ZER1: variants seen among roughly 807,000 people sequenced by gnomAD.
The protein encoded by ZER1 is zyg-11 related cell cycle regulator, also known as protein zer-1 homolog.
ZER1 carries 11 observed loss-of-function variants against 78.8 expected under a neutral mutation model. The ratio of observed to expected loss-of-function variants is 0.14; its 90% CI spans 0.09 to 0.23. The LOEUF is 0.23. Among genes scored for constraint, ZER1 ranks in the 10% least tolerant of loss-of-function variants. The probability of loss-of-function intolerance (pLI) is 1.00; values close to 1 mark genes in which losing one functional copy is unlikely to be tolerated. For missense variants in ZER1, 588 were observed against 996.9 expected (o/e 0.59, Z 5.52); for synonymous variants, 400 against 407.0 (o/e 0.98, Z 0.21).
At position 128,736,246 on chromosome 9, in the gene ZER1, G is replaced by A. The variant is rs530728839; in HGVS notation, c.2043-815C>T. ...ATTATAGGCGTGAGCCACCGCGCCC[G>A]GCCTAAATTTTGTATTTTTGGTAGA... is the stretch of plus-strand genomic sequence containing the variant. On this transcript the variant is annotated intron_variant, in intron 13 of 15. Coordinates refer to ENST00000291900, the MANE Select transcript of ZER1 (RefSeq NM_006336.4). 8.6e-5 allele frequency among the ~76,000 whole-genome samples: 13 copies of A among 151,652 alleles called. No individual in the cohort carries two copies. In the East Asian group the frequency reaches 9.7e-4, roughly 11 times the overall value.
chr9:128,768,356 G>A (rs1864280313), intron 1 of ZER1, among the ~76,000 whole-genome samples: 1 of 152,182 alleles, frequency 6.6e-6, no homozygotes, highest in Non-Finnish European at 1.5e-5. Flanking sequence ...TACCTTTGTA[G>A]AGAGCTTCAG....
chr9:128,734,144 A>AAAAAAAAATATATATATATATAT, intron 14 of ZER1, among the ~76,000 whole-genome samples: 1 of 14,456 alleles, frequency 6.9e-5, no homozygotes, highest in Non-Finnish European at 1.4e-4. Flanking sequence ...AAAAAAAAAA[A>AAAAAAAAATATATATATATATAT]ATATATATAT....
At chr9:128,764,698 C>T (rs1357900501) in intron 1 of ZER1, among the ~76,000 whole-genome samples, 2 of 152,150 alleles carry the variant, frequency 1.3e-5, no homozygotes, top group African/African-American at 2.4e-5. Context: ...CTGGCACCTG[C>T]CAGAGGCAGC....
At chr9:128,761,926 A>C (rs914011615) in intron 1 of ZER1, among the ~76,000 whole-genome samples, 3 of 143,828 alleles carry the variant, frequency 2.1e-5, no homozygotes, top group Admixed American at 7.2e-5. Context: ...TAGAGGAGGA[A>C]ACTCAAGGTC....
At chr9:128,735,257 C>T in intron 14 of ZER1, 77 bp downstream of exon 14, 1 of 1,341,758 alleles carries the variant, frequency 7.5e-7, no homozygotes, top group Non-Finnish European at 1.0e-6. Context: ...TGCCCCCCTC[C>T]TGGACTACAA....
chr9:128,743,794 A>G (rs1863388013), intron 8 of ZER1, among the ~76,000 whole-genome samples: 1 of 142,634 alleles, frequency 7.0e-6, no homozygotes, highest in Non-Finnish European at 1.5e-5. Context: ...GTGGAGGCAC[A>G]ATGTCAGCTC....
intron 11 of ZER1, 93 bp downstream of exon 11, chr9:128,741,442 G>T: frequency 6.4e-7 from 1 of 1,568,840 alleles, no homozygotes; most frequent in East Asian, 2.2e-5. Context: ...ATGGGTGAGG[G>T]GTGCTGCGGA....
chr9:128,735,801 G>A (rs1303332935), intron 13 of ZER1, among the ~76,000 whole-genome samples: 4 of 108,268 alleles, frequency 3.7e-5, no homozygotes, highest in Non-Finnish European at 5.1e-5. Context: ...TTTGTGAGAC[G>A]GAGTTTCGCT....
chr9:128,756,055 G>A (rs1005830536), intron 1 of ZER1, among the ~76,000 whole-genome samples: 3 of 152,130 alleles, frequency 2.0e-5, no homozygotes, highest in Non-Finnish European at 4.4e-5. Flanking sequence ...GCTGTGCCAG[G>A]GCTTAATAGA....
chr9:128,741,897 C>A (rs535699308), intron 9 of ZER1, 56 bp from the exon 10 acceptor site: 3 of 1,612,734 alleles, frequency 1.9e-6, no homozygotes, highest in East Asian at 4.5e-5. Context: ...CTCCCACCCC[C>A]ACGAACCCAA....
At position 128,742,473 on chromosome 9, in the gene ZER1, G is replaced by T. The variant is rs1003345640; in HGVS notation, c.1575+57C>A. ...CTCTGAGACTCTCGCTCAGGGTAGA[G>T]GGGTGGGGGAGAGCAGTGAGGCTCA... On this transcript the variant is annotated intron_variant, in intron 9 of 15. Transcript: ENST00000291900. The T allele has an allele frequency of 8.8e-6, 14 of 1,596,056 alleles. 1 individual carries two copies. Among genetic ancestry groups the T allele is most frequent in the Middle Eastern group, 4.2e-4 (2 of 4,718 alleles).
At position 128,755,479 on chromosome 9, in the gene ZER1, C is replaced by T. The variant is rs1480601740; in HGVS notation, c.87G>A (p.Leu29=). 1.2e-6 allele frequency: 2 copies of T among 1,614,042 alleles called. No homozygotes were observed. The highest frequency in any genetic ancestry group is 2.2e-5 in the East Asian group (1 of 44,872). The change falls in exon 2 of 16, where the codon CTG becomes CTA. Residue 29 remains leucine (L), a synonymous_variant. Coordinates refer to ENST00000291900, the MANE Select transcript of ZER1 (RefSeq NM_006336.4). The surrounding 1 kb of genome is among the most constrained non-coding windows in gnomAD (Gnocchi z 5.6). The stretch of plus-strand genomic sequence containing the variant: ...GATGTAGCCGCAGGGTCTCCTTGTC[C>T]AGCAGGTAGCCCAGGGTGCCATCCA... ...RNLDGTLGYL[L]DKETLRLHPD...
In ZER1 at chr9:128,739,886, AC is replaced by A. The variant is rs762840570; in HGVS notation, c.2042+44del. ...GGTATGAGCATCCTGCCCAGCACTT[AC>A]CCCATATTCCACACCGCATCCCCGC... On this transcript the variant is annotated intron_variant, in intron 13 of 15. Coordinates refer to ENST00000291900, the MANE Select transcript of ZER1 (RefSeq NM_006336.4). 1.9e-6 allele frequency: 3 copies of A among 1,576,544 alleles called. No homozygotes were observed. In the South Asian group the frequency reaches 3.4e-5, roughly 18 times the overall value.
intron 13 of ZER1, among the ~76,000 whole-genome samples, chr9:128,738,746 A>G (rs1863182398): frequency 6.6e-6 from 1 of 150,938 alleles, no homozygotes; most frequent in East Asian, 2.0e-4. Flanking sequence ...CAGTAGCATG[A>G]TGTTGGCTCA....
chr9:128,769,538 C>T (rs1245827621), intron 1 of ZER1, among the ~76,000 whole-genome samples: 1 of 151,874 alleles, frequency 6.6e-6, no homozygotes, highest in Non-Finnish European at 1.5e-5. Flanking sequence ...CTCAGCCTCT[C>T]CAGTAGCTGA....
In ZER1 at chr9:128,751,471, T is replaced by C. The variant is rs763416501; in HGVS notation, c.980A>G (p.Gln327Arg). 4 of 1,613,998 alleles carry C rather than the reference T, an allele frequency of 2.5e-6. No individual in the cohort carries two copies. In the African/African-American group the frequency reaches 5.3e-5, roughly 22 times the overall value. Residue 327 changes from glutamine (Q) to arginine (R), a missense_variant, in exon 6 of 16, where the codon CAG becomes CGG. Coordinates refer to ENST00000291900, the MANE Select transcript of ZER1 (RefSeq NM_006336.4). This position sits in a 1 kb window ranked among gnomAD's most constrained non-coding sequence, Gnocchi z 5.4. ...AGAGTTCTCAAAGAGCCCGAGGAAC[T>C]GCAGCGGCCTCTTCAGAGCCCGGAA... ...IPFRALKRPL[Q>R]FLGLFENSLC...
chr9:128,733,278 G>A (rs527879721), intron 15 of ZER1, 148 bp downstream of exon 15: 3 of 592,448 alleles, frequency 5.1e-6, no homozygotes, highest in African/African-American at 1.8e-5. Flanking sequence ...AGAGGCCCCA[G>A]GTGGACATCA....
intron 1 of ZER1, among the ~76,000 whole-genome samples, chr9:128,762,070 C>T (rs185436509): frequency 6.6e-6 from 1 of 151,930 alleles, no homozygotes; most frequent in African/African-American, 2.4e-5. Flanking sequence ...CAGCCCAACA[C>T]AAATTTGTAA....
At chr9:128,738,678 C>T (rs1192919756) in intron 13 of ZER1, among the ~76,000 whole-genome samples, 2 of 151,714 alleles carry the variant, frequency 1.3e-5, no homozygotes, top group Admixed American at 1.3e-4. Context: ...AGCCACCGCG[C>T]CTGACCTTCT....
Sources: gnomAD v4.1 joint callset for allele counts (sites outside exome capture counted in the v4.1 genomes callset) on GRCh38, gnomAD v4.1.1 for gene constraint, Gnocchi (gnomAD v3.1) non-coding constraint, MANE v1.5 for transcripts, NCBI Gene and HGNC (gene_info 2026-07-23, HGNC 2026-07-21) for gene names.